CAPZB: variants seen among roughly 807,000 people sequenced by gnomAD.
The protein encoded by CAPZB is F-actin-capping protein subunit beta.
A neutral mutation model predicts 38.1 loss-of-function variants in CAPZB; 2 were observed. The observed-to-expected ratio is 0.05, with a 90% CI of 0.02 to 0.17. The LOEUF (loss-of-function observed/expected upper bound fraction) is 0.17, where lower values mean the gene tolerates loss of function less well. Ranked by LOEUF, CAPZB falls within the 10% of genes least tolerant of loss-of-function variation. The pLI, the probability that CAPZB is intolerant of heterozygous loss-of-function variation, is 1.00. For missense variants in CAPZB, 161 were observed against 334.2 expected, an observed-to-expected ratio of 0.48 and a Z score of 4.04; for synonymous variants, 107 against 127.4, an observed-to-expected ratio of 0.84 and a Z score of 1.08.
intron 1 of CAPZB, among the ~76,000 whole-genome samples, chr1:19,471,430 C>T (rs1238544725): frequency 6.6e-6 from 1 of 152,176 alleles, no homozygotes; most frequent in Admixed American, 6.5e-5. Flanking sequence ...TCTTGAAGCA[C>T]TCGGAGCACA....
intron 6 of CAPZB, among the ~76,000 whole-genome samples, chr1:19,355,953 G>A (rs939894544): frequency 2.6e-5 from 4 of 152,172 alleles, no homozygotes; most frequent in Non-Finnish European, 5.9e-5. Context: ...TTGCTCAGGG[G>A]AGGCAGTACC....
chr1:19,357,434 C>A lies in CAPZB; in HGVS notation c.459G>T (p.Val153=). 6.2e-7 allele frequency: 1 copy of A among 1,613,974 alleles called. No homozygotes were observed. The highest frequency in any genetic ancestry group is 2.2e-5 in the East Asian group (1 of 44,880). The change falls in exon 5 of 9, where the codon GTG becomes GTT. Residue 153 remains valine (V), a synonymous_variant. Coordinates refer to ENST00000264202, the MANE Select transcript of CAPZB (RefSeq NM_004930.5). The surrounding 1 kb of genome is among the most constrained non-coding windows in gnomAD (Gnocchi z 4.3). The part of the protein sequence containing the change: ...KIKGCWDSIH[V]VEVQEKSSGR... Reference sequence around the variant, plus strand: ...TGGGAGGCAGTACCTGCACTTCTACCACGTGGATGGAATCCCAGCAGCCTT... The same window carrying A: ...TGGGAGGCAGTACCTGCACTTCTACAACGTGGATGGAATCCCAGCAGCCTT...
At chr1:19,416,860 CAAAA>C (rs59789230) in intron 2 of CAPZB, among the ~76,000 whole-genome samples, 99 of 69,436 alleles carry the variant, frequency 1.4e-3, no homozygotes, top group African/African-American at 5.2e-3. Context: ...GACCCTGTCT[CAAAA>C]AAAAAAAAAA....
chr1:19,469,533 T>C (rs1017843519), intron 1 of CAPZB, among the ~76,000 whole-genome samples: 7 of 151,206 alleles, frequency 4.6e-5, no homozygotes, highest in Admixed American at 1.3e-4. Context: ...AACAGGGAGA[T>C]TGAGGAAGTG....
At chr1:19,393,205 C>A (rs981418856) in intron 2 of CAPZB, among the ~76,000 whole-genome samples, 1 of 152,238 alleles carries the variant, frequency 6.6e-6, no homozygotes, top group Non-Finnish European at 1.5e-5. Flanking sequence ...AGCATGGCCA[C>A]CTCTGCAATG....
intron 4 of CAPZB, among the ~76,000 whole-genome samples, chr1:19,365,157 T>C (rs2094076422): frequency 6.6e-6 from 1 of 152,228 alleles, no homozygotes; most frequent in African/African-American, 2.4e-5. Context: ...TATTTTTTCT[T>C]ATGTGTTGCC....
chr1:19,373,629 C>G (rs918281207), intron 4 of CAPZB, among the ~76,000 whole-genome samples: 7 of 152,092 alleles, frequency 4.6e-5, no homozygotes, highest in Admixed American at 1.3e-4. Context: ...CTCTAGGTCT[C>G]TGGACCCTCA....
At chr1:19,467,815 A>G (rs962046031) in intron 1 of CAPZB, among the ~76,000 whole-genome samples, 4 of 152,170 alleles carry the variant, frequency 2.6e-5, no homozygotes, top group African/African-American at 9.7e-5. Flanking sequence ...GGGTTCACAT[A>G]ACACCTCATT....
At chr1:19,419,553 G>T in intron 2 of CAPZB, 108 bp downstream of exon 2, 1 of 681,038 alleles carries the variant, frequency 1.5e-6, no homozygotes, top group Non-Finnish European at 2.7e-6. Context: ...GGTCTGCCAG[G>T]GAGAGAAAAG....
chr1:19,385,483 C>T (rs372956075), intron 3 of CAPZB, 22 bp downstream of exon 3: 614 of 1,611,500 alleles, frequency 3.8e-4, no homozygotes, highest in Non-Finnish European at 4.9e-4. Flanking sequence ...GTGCCTGCTG[C>T]ATCCCCGGGG....
intron 1 of CAPZB, among the ~76,000 whole-genome samples, chr1:19,447,304 A>T (rs1570296731): frequency 2.2e-5 from 2 of 91,704 alleles, no homozygotes; most frequent in East Asian, 3.6e-4. Context: ...TTTGAGATGG[A>T]GTCTCACTCT....
intron 1 of CAPZB, among the ~76,000 whole-genome samples, 171 bp downstream of exon 1, chr1:19,485,265 C>T (rs1467756171): frequency 6.6e-6 from 1 of 151,984 alleles, no homozygotes; most frequent in Non-Finnish European, 1.5e-5. Flanking sequence ...AAGTCGTCCG[C>T]GCCGGCGGCA....
At chr1:19,456,107 T>C (rs1034760970) in intron 1 of CAPZB, among the ~76,000 whole-genome samples, 2 of 152,192 alleles carry the variant, frequency 1.3e-5, no homozygotes, top group African/African-American at 4.8e-5. Flanking sequence ...AGATGGAGTT[T>C]TGCCATGTTG....
intron 2 of CAPZB, among the ~76,000 whole-genome samples, chr1:19,412,830 C>G (rs1316024255): frequency 6.6e-6 from 1 of 152,170 alleles, no homozygotes. Flanking sequence ...ATTAAAGAGC[C>G]TCTAACACCT....
chr1:19,433,795 C>A (rs954094562), intron 1 of CAPZB, among the ~76,000 whole-genome samples: 5 of 152,108 alleles, frequency 3.3e-5, no homozygotes, highest in African/African-American at 1.2e-4. Context: ...ATTTCAGATG[C>A]CTGTGTGTGA....
At chr1:19,355,156 G>A (rs1289799570) in intron 6 of CAPZB, among the ~76,000 whole-genome samples, 1 of 152,182 alleles carries the variant, frequency 6.6e-6, no homozygotes, top group Non-Finnish European at 1.5e-5. Flanking sequence ...TTCAATGCAT[G>A]TAGATGTTGT....
In CAPZB at chr1:19,441,096, T is replaced by C. The variant is rs754187734; in HGVS notation, c.4-21346A>G. Reference sequence around the variant, plus strand: ...CAAAAAACAAAAAACAAAACAGTTATAGCTGCTAAAACCTTATGCAGAAAG... The same window carrying C: ...CAAAAAACAAAAAACAAAACAGTTACAGCTGCTAAAACCTTATGCAGAAAG... On this transcript the variant is annotated intron_variant, in intron 1 of 8. Transcript: ENST00000264202. 3.3e-5 allele frequency among the ~76,000 whole-genome samples: 5 copies of C among 152,268 alleles called. No individual in the cohort carries two copies. The Middle Eastern group carries it at 0.01, about 311-fold the overall frequency.
intron 2 of CAPZB, among the ~76,000 whole-genome samples, chr1:19,387,855 A>G (rs563149365): frequency 6.6e-6 from 1 of 152,254 alleles, no homozygotes; most frequent in Non-Finnish European, 1.5e-5. Context: ...TTCAGGGCAG[A>G]GCCTGGCACA....
intron 4 of CAPZB, among the ~76,000 whole-genome samples, chr1:19,365,602 G>A (rs555758219): frequency 6.8e-4 from 103 of 152,148 alleles, no homozygotes; most frequent in African/African-American, 2.3e-3. Flanking sequence ...AGGCCGAGAC[G>A]GGCAGATCAC....
Sources: allele counts gnomAD v4.1 joint callset (sites outside exome capture counted in the v4.1 genomes callset), GRCh38; gene constraint gnomAD v4.1.1; non-coding constraint Gnocchi (gnomAD v3.1); transcripts MANE v1.5; gene names NCBI Gene and HGNC (gene_info 2026-07-23, HGNC 2026-07-21).